GPM6A: variants seen among roughly 807,000 people sequenced by gnomAD.
GPM6A encodes the protein neuronal membrane glycoprotein M6-a.
Under a neutral mutation model 32.1 loss-of-function variants are expected in GPM6A, and 7 were observed. The ratio of observed to expected loss-of-function variants is 0.22; its 90% CI spans 0.12 to 0.41. GPM6A has a LOEUF of 0.41. Ranked by LOEUF, GPM6A falls within the 10% of genes least tolerant of loss-of-function variation. GPM6A has a pLI of 1.00. For synonymous variants in GPM6A, 130 were observed against 123.4 expected (o/e 1.05, Z -0.35); for missense variants, 235 against 347.2 (o/e 0.68, Z 2.57).
chr4:175,686,095 C>CTACACAG (rs1743966683), intron 2 of GPM6A, among the ~76,000 whole-genome samples: 1 of 152,196 alleles, frequency 6.6e-6, no homozygotes, highest in Non-Finnish European at 1.5e-5. Context: ...TCCAGTAAAA[C>CTACACAG]TACACAGGCA....
chr4:175,768,977 C>A (rs545969029), intron 1 of GPM6A, among the ~76,000 whole-genome samples: 1 of 151,910 alleles, frequency 6.6e-6, no homozygotes, highest in Non-Finnish European at 1.5e-5. Context: ...CGCCTGTAAT[C>A]CCAGCTATTC....
intron 1 of GPM6A, among the ~76,000 whole-genome samples, chr4:175,794,073 A>G (rs528429111): frequency 1.3e-5 from 2 of 152,166 alleles, no homozygotes; most frequent in Non-Finnish European, 2.9e-5. Flanking sequence ...TTTTCCTTCT[A>G]GAGTAATACA....
chr4:175,646,160 C>A (rs958185421), intron 4 of GPM6A, among the ~76,000 whole-genome samples: 6 of 152,158 alleles, frequency 3.9e-5, no homozygotes, highest in Non-Finnish European at 5.9e-5. Context: ...CCATCTGTGA[C>A]TTCAATTCCC....
chr4:175,724,645 C>T (rs1746313028), intron 1 of GPM6A, among the ~76,000 whole-genome samples: 1 of 152,018 alleles, frequency 6.6e-6, no homozygotes, highest in African/African-American at 2.4e-5. Context: ...AAAAAATGAA[C>T]TGTGCATTAT....
At chr4:175,846,918 T>C (rs1401597774) in intron 1 of GPM6A, among the ~76,000 whole-genome samples, 1 of 152,172 alleles carries the variant, frequency 6.6e-6, no homozygotes, top group Middle Eastern at 3.2e-3. Flanking sequence ...AATGCATTTG[T>C]CTTACATGGC....
intron 1 of GPM6A, among the ~76,000 whole-genome samples, chr4:175,884,725 G>A (rs1026105175): frequency 6.6e-6 from 1 of 151,734 alleles, no homozygotes; most frequent in Non-Finnish European, 1.5e-5. Flanking sequence ...GTAGAGACAG[G>A]GTTTCACCAT....
chr4:175,964,930 G>C (rs1405268313), intron 1 of GPM6A, among the ~76,000 whole-genome samples: 1 of 152,116 alleles, frequency 6.6e-6, no homozygotes, highest in Non-Finnish European at 1.5e-5. Flanking sequence ...ATATACCTGA[G>C]GCAAAAACTC....
At chr4:175,695,067 G>A (rs1454898655) in intron 2 of GPM6A, among the ~76,000 whole-genome samples, 1 of 152,202 alleles carries the variant, frequency 6.6e-6, no homozygotes, top group East Asian at 1.9e-4. Context: ...GCCTGCAGGG[G>A]AGCAGAGGGC....
intron 1 of GPM6A, among the ~76,000 whole-genome samples, chr4:175,776,595 C>G (rs1286946931): frequency 6.6e-6 from 1 of 152,192 alleles, no homozygotes; most frequent in African/African-American, 2.4e-5. Context: ...AACGAAGAAG[C>G]TGCCCCGGGA....
At chr4:175,713,623 T>A (rs1285171252) in intron 1 of GPM6A, among the ~76,000 whole-genome samples, 2 of 152,202 alleles carry the variant, frequency 1.3e-5, no homozygotes, top group African/African-American at 4.8e-5. Flanking sequence ...AATATTTGAA[T>A]CATTAAGAAC....
intron 1 of GPM6A, among the ~76,000 whole-genome samples, chr4:176,001,806 C>G (rs1325437733): frequency 6.6e-6 from 1 of 152,216 alleles, no homozygotes. Context: ...TTCCTCTGCT[C>G]AAACCTGTAC....
intron 1 of GPM6A, among the ~76,000 whole-genome samples, chr4:175,838,090 AACACACACACACACACACACAGACAC>A (rs1735822837): frequency 8.7e-6 from 1 of 114,956 alleles, no homozygotes; most frequent in Non-Finnish European, 1.8e-5. Context: ...CCTTGGTTAA[AACACACACACACACACACACAGACAC>A]ACACACACAC....
chr4:175,899,534 A>G (rs1431198387), intron 1 of GPM6A, among the ~76,000 whole-genome samples: 1 of 152,186 alleles, frequency 6.6e-6, no homozygotes, highest in Non-Finnish European at 1.5e-5. Flanking sequence ...ACACAGACCA[A>G]TGGAACAGAG....
upstream of GPM6A, among the ~76,000 whole-genome samples, chr4:175,813,529 AACAC>A (rs1434114420): frequency 1.3e-5 from 2 of 151,706 alleles, no homozygotes; most frequent in East Asian, 3.9e-4. Context: ...CAGGGACAGA[AACAC>A]ACACAGAGGG....
At chr4:175,773,970 T>A (rs78266081) in intron 1 of GPM6A, among the ~76,000 whole-genome samples, 3,073 of 152,196 alleles carry the variant, frequency 0.02, 55 homozygotes, top group Non-Finnish European at 0.031. Context: ...GAAGAGTAAA[T>A]AAAATTCTAT....
chr4:176,001,257 A>T (rs953007249), intron 1 of GPM6A, among the ~76,000 whole-genome samples: 3 of 152,166 alleles, frequency 2.0e-5, no homozygotes. Flanking sequence ...AGGGAGAAGC[A>T]AGGGGGAGGG....
At chr4:175,832,998 C>T (rs1735661010) in intron 1 of GPM6A, among the ~76,000 whole-genome samples, 2 of 152,186 alleles carry the variant, frequency 1.3e-5, no homozygotes, top group South Asian at 2.1e-4. Flanking sequence ...CAATTGCCAA[C>T]AGCAGCTAGC....
At chr4:175,894,736 A>G (rs1326256467) in intron 1 of GPM6A, among the ~76,000 whole-genome samples, 4 of 152,172 alleles carry the variant, frequency 2.6e-5, no homozygotes, top group African/African-American at 9.6e-5. Flanking sequence ...TGGCTAAATC[A>G]TTTTGGCTAA....
At chr4:175,635,481 C>T (rs1236032114) in intron 6 of GPM6A, among the ~76,000 whole-genome samples, 1 of 151,960 alleles carries the variant, frequency 6.6e-6, no homozygotes, top group Admixed American at 6.6e-5. Flanking sequence ...TCTATTACCC[C>T]AATTAAAGAG....
Sources: allele counts gnomAD v4.1 joint callset (sites outside exome capture counted in the v4.1 genomes callset), GRCh38; gene constraint gnomAD v4.1.1; transcripts MANE v1.5; gene names NCBI Gene and HGNC (gene_info 2026-07-23, HGNC 2026-07-21).